The following FNBP1 variants were observed in gnomAD, a reference collection of about 807,000 sequenced individuals.
FNBP1 encodes the protein formin-binding protein 1.
In FNBP1, 26 loss-of-function variants were observed where a neutral mutation model predicts 90.6. The ratio of observed to expected loss-of-function variants is 0.29; its 90% CI spans 0.21 to 0.40. FNBP1 has a LOEUF of 0.40. FNBP1 is among the 10% of genes least tolerant of loss of function. FNBP1 has a pLI of 1.00. For missense variants in FNBP1, 635 were observed against 768.0 expected (o/e 0.83, Z 2.05); for synonymous variants, 260 against 265.2 (o/e 0.98, Z 0.19).
At chr9:129,970,210 T>C (rs1238861159) in intron 4 of FNBP1, among the ~76,000 whole-genome samples, 27 of 150,680 alleles carry the variant, frequency 1.8e-4, no homozygotes, top group Admixed American at 1.8e-3. Context: ...TGGCCTTTTA[T>C]TTTATTATTT....
chr9:129,993,238 AAATT>A, intron 2 of FNBP1, among the ~76,000 whole-genome samples: 2 of 151,226 alleles, frequency 1.3e-5, no homozygotes, highest in African/African-American at 4.8e-5. Context: ...AAAAAAAAAA[AAATT>A]AAAGAAAAAG....
chr9:129,947,289 A>C (rs7874418), intron 6 of FNBP1, among the ~76,000 whole-genome samples: 121,626 of 151,638 alleles, frequency 0.8, 49,128 homozygotes, highest in East Asian at 0.9. Context: ...AAAATACAAA[A>C]ATTAGCCGGG....
At chr9:130,049,385 C>A in the FNBP1 span, among the ~76,000 whole-genome samples, 2 of 151,696 alleles carry the variant, frequency 1.3e-5, no homozygotes, top group Non-Finnish European at 2.9e-5. Context: ...TCTCAAAAAT[C>A]AAAAAATAAA....
At chr9:129,948,166 G>C (rs1222205611) in intron 6 of FNBP1, among the ~76,000 whole-genome samples, 6 of 151,788 alleles carry the variant, frequency 4.0e-5, no homozygotes, top group Admixed American at 3.9e-4. Context: ...TCAGCTACTT[G>C]GGAGGCTGAG....
chr9:130,010,033 C>T (rs528292699), intron 1 of FNBP1, among the ~76,000 whole-genome samples: 1 of 150,570 alleles, frequency 6.6e-6, no homozygotes, highest in South Asian at 2.1e-4. Flanking sequence ...ATGTGCATGC[C>T]AAATTAGTGG....
chr9:129,955,500 T>C (rs1398036048), intron 6 of FNBP1, among the ~76,000 whole-genome samples: 1 of 150,284 alleles, frequency 6.7e-6, no homozygotes, highest in Non-Finnish European at 1.5e-5. Flanking sequence ...CCTCCCAAAG[T>C]GCTGGGATTA....
intron 1 of FNBP1, among the ~76,000 whole-genome samples, chr9:130,040,603 C>T (rs186600011): frequency 2.3e-5 from 3 of 131,250 alleles, no homozygotes; most frequent in African/African-American, 8.5e-5. Context: ...CCTGGGCAGG[C>T]AACAGAGCAA....
intron 16 of FNBP1, among the ~76,000 whole-genome samples, chr9:129,894,033 G>T (rs573035076): frequency 6.4e-4 from 98 of 152,122 alleles, no homozygotes; most frequent in Middle Eastern, 3.4e-3. Context: ...AGGTTCTAGA[G>T]CCCGAATGTG....
chr9:129,940,297 G>A (rs2044135518), intron 6 of FNBP1, among the ~76,000 whole-genome samples: 2 of 151,944 alleles, frequency 1.3e-5, no homozygotes, highest in South Asian at 4.1e-4. Flanking sequence ...GGAATCATAA[G>A]AAAATAATAA....
intron 6 of FNBP1, among the ~76,000 whole-genome samples, chr9:129,937,713 C>G (rs890619107): frequency 2.0e-5 from 3 of 150,452 alleles, no homozygotes; most frequent in African/African-American, 7.3e-5. Context: ...AGCCTGGTGA[C>G]AGTGAGACTC....
rs574941643 is a variant in FNBP1, at chr9:129,945,381, T to TA, written c.513+11978dup. On this transcript the variant is annotated intron_variant, in intron 6 of 16. Transcript: ENST00000446176. ...GCATTTATACTAACCACTTCCTTTT[T>TA]AAAAAAAAATGTTCTCTAAATTGTT... 4.9e-4 allele frequency among the ~76,000 whole-genome samples: 74 copies of TA among 151,790 alleles called. 1 individual carries two copies. The South Asian group carries it at 0.014, about 29-fold the overall frequency.
At chr9:130,025,695 G>T (rs1463911146) in intron 1 of FNBP1, among the ~76,000 whole-genome samples, 1 of 152,212 alleles carries the variant, frequency 6.6e-6, no homozygotes, top group Non-Finnish European at 1.5e-5. Flanking sequence ...AGGCCTAGGC[G>T]GGTGGATCAC....
At chr9:129,984,662 T>G (rs2051846081) in intron 2 of FNBP1, among the ~76,000 whole-genome samples, 1 of 151,642 alleles carries the variant, frequency 6.6e-6, no homozygotes, top group African/African-American at 2.4e-5. Context: ...CACCCAAATC[T>G]CAACTTGAAT....
At chr9:129,910,488 AC>A (rs1471732719) in intron 11 of FNBP1, among the ~76,000 whole-genome samples, 3 of 136,878 alleles carry the variant, frequency 2.2e-5, no homozygotes, top group East Asian at 2.1e-4. Flanking sequence ...TCTCAAAAAA[AC>A]AAAAAAAAAA....
chr9:130,032,740 C>CT (rs537793259), intron 1 of FNBP1, among the ~76,000 whole-genome samples: 22 of 146,432 alleles, frequency 1.5e-4, no homozygotes, highest in East Asian at 2.0e-4. Flanking sequence ...TTCAGTGGAA[C>CT]TTTTTTTTTT....
chr9:129,903,523 T>C (rs959420796), intron 12 of FNBP1, among the ~76,000 whole-genome samples: 1 of 152,196 alleles, frequency 6.6e-6, no homozygotes, highest in Non-Finnish European at 1.5e-5. Context: ...TTTTTCAATT[T>C]CAGTTCTCTT....
intron 1 of FNBP1, among the ~76,000 whole-genome samples, chr9:130,001,326 A>C (rs201789284): frequency 9.7e-5 from 1 of 10,264 alleles, no homozygotes; most frequent in South Asian, 0.026. Flanking sequence ...AAACAAAACA[A>C]AACAAAAAAA....
chr9:130,008,608 G>A (rs775893907), intron 1 of FNBP1, among the ~76,000 whole-genome samples: 1 of 152,262 alleles, frequency 6.6e-6, no homozygotes, highest in South Asian at 2.1e-4. Flanking sequence ...TAAGCAAGAG[G>A]AGCTTAGTCA....
chr9:130,009,400 G>A (rs184926757), intron 1 of FNBP1, among the ~76,000 whole-genome samples: 6 of 152,214 alleles, frequency 3.9e-5, no homozygotes, highest in South Asian at 2.1e-4. Flanking sequence ...AGTGGCTCAC[G>A]CCTATAATCC....
Sources: allele counts gnomAD v4.1 joint callset (sites outside exome capture counted in the v4.1 genomes callset), GRCh38; gene constraint gnomAD v4.1.1; transcripts MANE v1.5; gene names NCBI Gene and HGNC (gene_info 2026-07-23, HGNC 2026-07-21).